The following KLHL1 variants were observed in gnomAD, a reference collection of about 807,000 sequenced individuals.
KLHL1 encodes the protein kelch like family member 1.
Under a neutral mutation model 77.7 loss-of-function variants are expected in KLHL1, and 47 were observed. That is an observed-to-expected ratio of 0.60 (90% confidence interval 0.48 to 0.77). KLHL1 has a LOEUF of 0.77. Ranked by LOEUF, KLHL1 falls within the 30% of genes least tolerant of loss-of-function variation. KLHL1 has a pLI of 0.00. For missense variants in KLHL1, 925 were observed against 910.8 expected (o/e 1.02, Z -0.20); for synonymous variants, 360 against 325.2 (o/e 1.11, Z -1.15).
chr13:69,918,413 A>G (rs548841693), intron 4 of KLHL1, among the ~76,000 whole-genome samples: 6 of 152,108 alleles, frequency 3.9e-5, no homozygotes, highest in South Asian at 4.1e-4. Flanking sequence ...TTCATTTAAT[A>G]TGGCATAAAC....
chr13:70,103,628 G>A (rs528143310), intron 1 of KLHL1, among the ~76,000 whole-genome samples: 1 of 152,224 alleles, frequency 6.6e-6, no homozygotes, highest in East Asian at 1.9e-4. Context: ...TGTGGGACAT[G>A]CATAGGAAAG....
chr13:70,099,752 A>G (rs962901357), intron 1 of KLHL1, among the ~76,000 whole-genome samples: 15 of 152,060 alleles, frequency 9.9e-5, no homozygotes, highest in African/African-American at 3.4e-4. Context: ...TAATTAAACT[A>G]AGATTAAACA....
chr13:69,742,035 T>C (rs1391246988), intron 7 of KLHL1, among the ~76,000 whole-genome samples: 2 of 152,146 alleles, frequency 1.3e-5, no homozygotes, highest in African/African-American at 2.4e-5. Flanking sequence ...ACCACCTTTG[T>C]TTTAGAAGAG....
intron 1 of KLHL1, among the ~76,000 whole-genome samples, chr13:70,035,236 T>C (rs1050991579): frequency 5.3e-5 from 8 of 152,028 alleles, no homozygotes; most frequent in African/African-American, 1.4e-4. Flanking sequence ...ACATACACAG[T>C]GGAGTACTAT....
At chr13:69,778,718 G>C (rs1189451397) in intron 7 of KLHL1, among the ~76,000 whole-genome samples, 2 of 150,740 alleles carry the variant, frequency 1.3e-5, no homozygotes, top group East Asian at 3.9e-4. Context: ...ATTTGTAAGA[G>C]AATGTTTGCA....
At chr13:69,927,685 A>G (rs1882860786) in intron 4 of KLHL1, among the ~76,000 whole-genome samples, 1 of 152,176 alleles carries the variant, frequency 6.6e-6, no homozygotes, top group East Asian at 1.9e-4. Context: ...GGAAAATCAC[A>G]AACAAAAACC....
At position 69,709,483 on chromosome 13, in the gene KLHL1, TATAAC is replaced by T. The variant is rs1875779939; in HGVS notation, c.2016-1692_2016-1688del. On this transcript the variant is annotated intron_variant, in intron 9 of 10. Coordinates refer to ENST00000377844, the MANE Select transcript of KLHL1 (RefSeq NM_020866.3). Reference sequence around the variant, plus strand: ...AACTAAGTTAAATGCGAGTTAGAAATATAACAAAATATAGTGAGTAGGCTTTACTT... The same window carrying T: ...AACTAAGTTAAATGCGAGTTAGAAATAAAATATAGTGAGTAGGCTTTACTT... Among the ~76,000 whole-genome samples, 9 of 152,116 alleles carry T rather than the reference TATAAC, an allele frequency of 5.9e-5. No homozygotes were observed. In the South Asian group the frequency reaches 1.9e-3, roughly 32 times the overall value.
chr13:69,897,330 A>C (rs1173144107), intron 4 of KLHL1, among the ~76,000 whole-genome samples: 1 of 152,144 alleles, frequency 6.6e-6, no homozygotes, highest in African/African-American at 2.4e-5. Context: ...ATGTGTCTTA[A>C]AATTTTTGGA....
intron 1 of KLHL1, among the ~76,000 whole-genome samples, chr13:70,035,154 A>G (rs1208622538): frequency 6.6e-6 from 1 of 152,092 alleles, no homozygotes. Flanking sequence ...TCCCATGTTT[A>G]TTGCAGCATT....
rs565513399 is a variant in KLHL1, at chr13:69,966,619, T to A, written c.681-5175A>T. ...TTCATTTCTTTTCTTTTTTCCTTTT[T>A]ATTTGTACAGATTTTTGCATACACG... On this transcript the variant is annotated intron_variant, in intron 2 of 10. Transcript: ENST00000377844. 3.9e-5 allele frequency among the ~76,000 whole-genome samples: 6 copies of A among 152,334 alleles called. No individual in the cohort carries two copies. The East Asian group carries it at 1.2e-3, about 29-fold the overall frequency.
intron 6 of KLHL1, among the ~76,000 whole-genome samples, chr13:69,814,226 A>G (rs1404513989): frequency 6.6e-6 from 1 of 152,158 alleles, no homozygotes. Context: ...CTACCTCTCC[A>G]CACATACAAA....
chr13:69,828,154 C>T (rs933792148), intron 6 of KLHL1, among the ~76,000 whole-genome samples: 2 of 150,262 alleles, frequency 1.3e-5, no homozygotes, highest in South Asian at 2.1e-4. Context: ...TTCACAGACC[C>T]TTTGAAAGAA....
chr13:69,849,276 C>T (rs905068614), intron 5 of KLHL1, among the ~76,000 whole-genome samples: 1 of 151,526 alleles, frequency 6.6e-6, no homozygotes, highest in Non-Finnish European at 1.5e-5. Flanking sequence ...TAAGAGTATA[C>T]ATTAGTTTGT....
rs141810483 is a variant in KLHL1 at position 69,782,196 on chromosome 13, C to T, written c.1639+14542G>A. On this transcript the variant is annotated intron_variant, in intron 7 of 10. Coordinates refer to ENST00000377844, the MANE Select transcript of KLHL1 (RefSeq NM_020866.3). ...GTATTGGCTGGGGAGTCAAGATGGC[C>T]GAACAGGAACAGCTCCGGTCTACAG... Among the ~76,000 whole-genome samples, 1,341 of 152,278 alleles carry T rather than the reference C, an allele frequency of 8.8e-3. 23 individuals are homozygous for T. Among genetic ancestry groups the T allele is most frequent in the African/African-American group, 0.031 (1,292 of 41,562 alleles).
intron 7 of KLHL1, among the ~76,000 whole-genome samples, chr13:69,763,100 G>T (rs1357788479): frequency 2.6e-5 from 4 of 152,114 alleles, no homozygotes; most frequent in Non-Finnish European, 5.9e-5. Context: ...TTAGAATTGT[G>T]TCCCTCATAA....
chr13:69,997,098 G>T (rs536723799), intron 1 of KLHL1, among the ~76,000 whole-genome samples: 1 of 151,130 alleles, frequency 6.6e-6, no homozygotes, highest in East Asian at 2.0e-4. Context: ...GCGCATGTCT[G>T]TAGTTCCAGC....
At chr13:69,848,067 A>T (rs1271185725) in intron 5 of KLHL1, among the ~76,000 whole-genome samples, 1 of 151,546 alleles carries the variant, frequency 6.6e-6, no homozygotes, top group East Asian at 1.9e-4. Flanking sequence ...GAGTTCAGTC[A>T]TCACAGAACT....
At chr13:69,809,396 C>T (rs1877763675) in intron 6 of KLHL1, among the ~76,000 whole-genome samples, 1 of 152,058 alleles carries the variant, frequency 6.6e-6, no homozygotes. Context: ...ATATTGAGGG[C>T]CCATTTTTAG....
chr13:70,048,770 C>T (rs981055872), intron 1 of KLHL1, among the ~76,000 whole-genome samples: 8 of 152,282 alleles, frequency 5.3e-5, no homozygotes, highest in African/African-American at 1.9e-4. Flanking sequence ...ACAGATGAAG[C>T]TTTACTTACT....
Sources: gnomAD v4.1 joint callset for allele counts (sites outside exome capture counted in the v4.1 genomes callset) on GRCh38, gnomAD v4.1.1 for gene constraint, MANE v1.5 for transcripts, NCBI Gene and HGNC (gene_info 2026-07-23, HGNC 2026-07-21) for gene names.